Variants in RBM33 observed in about 807,000 individuals in gnomAD.
The protein encoded by RBM33 is RNA binding motif protein 33, also known as RNA-binding protein 33.
In RBM33, 28 loss-of-function variants were observed where a neutral mutation model predicts 132.6. The observed-to-expected ratio is 0.21, with a 90% confidence interval of 0.16 to 0.29. The LOEUF (loss-of-function observed/expected upper bound fraction) is 0.29. Among genes scored for constraint, RBM33 ranks in the 10% least tolerant of loss-of-function variants. The probability of loss-of-function intolerance (pLI) is 1.00; values close to 1 mark genes in which losing one functional copy is unlikely to be tolerated. For synonymous variants in RBM33, 634 were observed against 593.0 expected (o/e 1.07, Z -1.01); for missense variants, 1,291 against 1,518.5 (o/e 0.85, Z 2.49).
intron 5 of RBM33, among the ~76,000 whole-genome samples, chr7:155,697,566 C>A (rs186555457): frequency 5.7e-4 from 86 of 151,870 alleles, no homozygotes; most frequent in East Asian, 1.5e-3. Flanking sequence ...CTCTCTCTCT[C>A]TCTATATATA....
At chr7:155,667,286 T>G (rs1436586938) in intron 2 of RBM33, among the ~76,000 whole-genome samples, 1 of 152,112 alleles carries the variant, frequency 6.6e-6, no homozygotes, top group Non-Finnish European at 1.5e-5. Context: ...GACAGGGTGT[T>G]TCTCTGTCAC....
chr7:155,719,276 GTC>G (rs1488876100), intron 9 of RBM33, among the ~76,000 whole-genome samples: 1 of 151,978 alleles, frequency 6.6e-6, no homozygotes, highest in Non-Finnish European at 1.5e-5. Context: ...AGGTTAAATA[GTC>G]TGATTTTCAG....
chr7:155,707,249 C>T (rs910455563), intron 7 of RBM33, 181 bp downstream of exon 7: 4 of 703,110 alleles, frequency 5.7e-6, no homozygotes, highest in African/African-American at 5.3e-5. Context: ...CTTAGAAATT[C>T]AGCACTCCAG....
rs1800295874 is a variant in RBM33 at position 155,711,444 on chromosome 7, C to T, written c.1190C>T (p.Thr397Met). 6.8e-7 allele frequency: 1 copy of T among 1,461,050 alleles called. No homozygotes were observed. Among genetic ancestry groups the T allele is most frequent in the Non-Finnish European group, 9.1e-7 (1 of 1,104,520 alleles). 90.5% of individuals were successfully genotyped at this position (1,461,050 alleles called of 1,614,324 possible). The change falls in exon 8 of 18, where the codon ACG becomes ATG. Residue 397 changes from threonine (T) to methionine (M), a missense_variant. By Grantham distance (81) the Thr-to-Met change is moderately conservative. Coordinates refer to ENST00000401878, the MANE Select transcript of RBM33 (RefSeq NM_053043.3). ...INPHFKGTVV[T>M]PVQVPLLPVP... is the part of the protein sequence containing the mutation. ...CCGCACTTCAAAGGGACGGTGGTCA[C>T]GCCTGTTCAAGGTCTGTGTTTCCTT...
chr7:155,672,778 G>A, intron 2 of RBM33, 89 bp from the exon 3 acceptor site: 2 of 703,810 alleles, frequency 2.8e-6, no homozygotes, highest in South Asian at 1.8e-5. Flanking sequence ...TACCTGAGCT[G>A]TAGAGTTCTT....
chr7:155,773,692 G>T (rs1174934983), intron 16 of RBM33, among the ~76,000 whole-genome samples: 2 of 150,918 alleles, frequency 1.3e-5, no homozygotes, highest in Non-Finnish European at 2.9e-5. Flanking sequence ...GCTTTGAGTT[G>T]CTTGAGAGTT....
At chr7:155,654,134 A>C (rs1798429956) in intron 1 of RBM33, among the ~76,000 whole-genome samples, 1 of 152,194 alleles carries the variant, frequency 6.6e-6, no homozygotes, top group Admixed American at 6.5e-5. Flanking sequence ...CCCACCCTCA[A>C]ATAAACCAGC....
At chr7:155,761,083 G>T (rs1451361507) in intron 14 of RBM33, among the ~76,000 whole-genome samples, 3 of 152,216 alleles carry the variant, frequency 2.0e-5, no homozygotes, top group Non-Finnish European at 4.4e-5. Flanking sequence ...ATATACACAC[G>T]GTCCTTTCCT....
At chr7:155,706,047 T>A (rs1323396135) in intron 6 of RBM33, among the ~76,000 whole-genome samples, 1 of 152,232 alleles carries the variant, frequency 6.6e-6, no homozygotes, top group Non-Finnish European at 1.5e-5. Context: ...TCATTAATAG[T>A]TTTGTTTTTA....
At chr7:155,680,400 A>G (rs1799305460) in intron 4 of RBM33, among the ~76,000 whole-genome samples, 190 bp from the exon 5 acceptor site, 1 of 152,200 alleles carries the variant, frequency 6.6e-6, no homozygotes, top group African/African-American at 2.4e-5. Context: ...TGCTGTACGC[A>G]TTAAGGGTTT....
chr7:155,757,262 T>C (rs1470716910), intron 14 of RBM33, among the ~76,000 whole-genome samples: 1 of 152,186 alleles, frequency 6.6e-6, no homozygotes, highest in African/African-American at 2.4e-5. Context: ...TAGTTCACAT[T>C]CTAGTGTGAA....
intron 14 of RBM33, among the ~76,000 whole-genome samples, chr7:155,747,321 A>G (rs1801549013): frequency 6.6e-6 from 1 of 152,142 alleles, no homozygotes; most frequent in South Asian, 2.1e-4. Context: ...TGTGTTAATC[A>G]GTGTCTCATT....
At chr7:155,675,061 C>A (rs980411832) in intron 3 of RBM33, among the ~76,000 whole-genome samples, 1 of 152,096 alleles carries the variant, frequency 6.6e-6, no homozygotes, top group Non-Finnish European at 1.5e-5. Context: ...AATCCCAGCA[C>A]TTTGGGAAGC....
At position 155,644,908 on chromosome 7, in the gene RBM33, C is replaced by T. The variant is rs971414514; in HGVS notation, c.32C>T (p.Ala11Val). The change falls in exon 1 of 18, where the codon GCA (alanine) becomes GTA (valine). Residue 11 changes from alanine to valine, a missense_variant. Coordinates refer to ENST00000401878, the MANE Select transcript of RBM33 (RefSeq NM_053043.3). MAAALGASGG[A>V]GAGDDDFDQF... ...GCCGCCCTGGGAGCGAGCGGAGGAG[C>T]AGGCGCCGGAGGTACGTGAGGCAGC... 2 of 1,499,768 alleles carry T rather than the reference C, an allele frequency of 1.3e-6. No homozygotes were observed. The highest frequency in any genetic ancestry group is 1.8e-6 in the Non-Finnish European group (2 of 1,130,670). 92.9% of individuals were successfully genotyped at this position (1,499,768 alleles called of 1,614,324 possible).
intron 7 of RBM33, among the ~76,000 whole-genome samples, chr7:155,709,099 C>A (rs1328522540): frequency 6.6e-6 from 1 of 151,950 alleles, no homozygotes; most frequent in African/African-American, 2.4e-5. Context: ...TGGATGTACT[C>A]TCTTATCTTC....
chr7:155,760,584 T>C (rs1802001896), intron 14 of RBM33, among the ~76,000 whole-genome samples: 2 of 152,216 alleles, frequency 1.3e-5, no homozygotes, highest in South Asian at 4.1e-4. Flanking sequence ...CATACTAAGA[T>C]TGTACTGTCA....
At chr7:155,730,779 G>C (rs1326168474) in intron 9 of RBM33, among the ~76,000 whole-genome samples, 1 of 152,272 alleles carries the variant, frequency 6.6e-6, no homozygotes, top group East Asian at 1.9e-4. Context: ...GCTTTGTTAC[G>C]TACCAGTAAC....
At chr7:155,659,084 G>A (rs1798571194) in intron 1 of RBM33, among the ~76,000 whole-genome samples, 1 of 152,220 alleles carries the variant, frequency 6.6e-6, no homozygotes, top group Non-Finnish European at 1.5e-5. Flanking sequence ...CAAATGGACA[G>A]CAACCTTCAT....
chr7:155,757,174 G>A (rs1352499706), intron 14 of RBM33, among the ~76,000 whole-genome samples: 2 of 152,078 alleles, frequency 1.3e-5, no homozygotes, highest in African/African-American at 2.4e-5. Flanking sequence ...AGAGTCAATG[G>A]GAGAATTTGA....
Sources: allele counts gnomAD v4.1 joint callset (sites outside exome capture counted in the v4.1 genomes callset), GRCh38; gene constraint gnomAD v4.1.1; transcripts MANE v1.5; gene names NCBI Gene and HGNC (gene_info 2026-07-23, HGNC 2026-07-21).